C2CD3: variants seen among roughly 807,000 people sequenced by gnomAD.
C2CD3 encodes the protein C2 domain-containing protein 3.
C2CD3 carries 148 observed loss-of-function variants against 234.0 expected under a neutral mutation model. That is an observed-to-expected ratio of 0.63 (90% confidence interval 0.55 to 0.72). The LOEUF (loss-of-function observed/expected upper bound fraction) is 0.72. Ranked by LOEUF, C2CD3 falls within the 30% of genes least tolerant of loss-of-function variation. C2CD3 has a pLI of 0.00. For synonymous variants in C2CD3, 1,000 were observed against 1,035.4 expected (o/e 0.97, Z 0.66); for missense variants, 2,577 against 2,811.5 (o/e 0.92, Z 1.89).
intron 32 of C2CD3, among the ~76,000 whole-genome samples, chr11:74,014,059 A>G (rs1951790711): frequency 6.6e-6 from 1 of 152,096 alleles, no homozygotes; most frequent in East Asian, 1.9e-4. Flanking sequence ...CCAAACTTTG[A>G]TCTCTCTGAC....
intron 14 of C2CD3, among the ~76,000 whole-genome samples, chr11:74,101,290 A>G (rs185326368): frequency 1.4e-4 from 21 of 152,340 alleles, no homozygotes; most frequent in African/African-American, 3.8e-4. Context: ...CACCTTTGTC[A>G]AATTAGTGGT....
chr11:74,045,787 G>A (rs1182627522), intron 28 of C2CD3, among the ~76,000 whole-genome samples: 1 of 151,970 alleles, frequency 6.6e-6, no homozygotes, highest in African/African-American at 2.4e-5. Context: ...TGCCCAGGCT[G>A]GTCTCGAACT....
At chr11:74,150,155 TAAAA>T (rs200395607) in intron 3 of C2CD3, among the ~76,000 whole-genome samples, 1 of 142,544 alleles carries the variant, frequency 7.0e-6, no homozygotes, top group East Asian at 2.0e-4. Context: ...TTTCCTTTTG[TAAAA>T]AAAAAAAAAA....
At chr11:74,111,917 G>GACAC (rs1418790856) in intron 11 of C2CD3, among the ~76,000 whole-genome samples, 1 of 72,980 alleles carries the variant, frequency 1.4e-5, no homozygotes. Context: ...CATATTTGCT[G>GACAC]ATACACACAC....
chr11:74,088,403 G>T (rs141466103), intron 20 of C2CD3, among the ~76,000 whole-genome samples: 64 of 152,330 alleles, frequency 4.2e-4, no homozygotes, highest in African/African-American at 1.2e-3. Flanking sequence ...GAACAGTTCT[G>T]TGTCCATTAT....
intron 31 of C2CD3, among the ~76,000 whole-genome samples, chr11:74,031,210 C>T (rs1211815548): frequency 1.3e-5 from 2 of 152,202 alleles, no homozygotes; most frequent in South Asian, 4.1e-4. Flanking sequence ...TTCACAACAA[C>T]CCAGTAAGTA....
intron 15 of C2CD3, among the ~76,000 whole-genome samples, chr11:74,099,661 C>T (rs1441343956): frequency 1.3e-5 from 2 of 152,126 alleles, no homozygotes; most frequent in African/African-American, 4.8e-5. Context: ...CTTTGGGAGG[C>T]TGAGGCGGGC....
At chr11:74,160,646 G>A (rs952816396) in intron 3 of C2CD3, among the ~76,000 whole-genome samples, 13 of 152,164 alleles carry the variant, frequency 8.5e-5, no homozygotes, top group Admixed American at 3.9e-4. Context: ...GTACCGTTAG[G>A]AGGAATAAAT....
In C2CD3 at chr11:74,042,041, A is replaced by G; in HGVS notation, c.5660+13T>C. The G allele has an allele frequency of 6.2e-7, 1 of 1,613,576 alleles. No individual in the cohort carries two copies. The highest frequency in any genetic ancestry group is 8.5e-7 in the Non-Finnish European group (1 of 1,179,710). On this transcript the variant is annotated intron_variant, in intron 29 of 32. Transcript: ENST00000334126. Reference sequence around the variant, plus strand: ...ACTATGGTTTCCTGTGTCTTTTCTCAGTAGAGCCTCACCTGAGAGAAGTCA... The same window carrying G: ...ACTATGGTTTCCTGTGTCTTTTCTCGGTAGAGCCTCACCTGAGAGAAGTCA...
chr11:74,017,566 G>A (rs570334042), intron 32 of C2CD3, among the ~76,000 whole-genome samples: 1 of 152,318 alleles, frequency 6.6e-6, no homozygotes, highest in South Asian at 2.1e-4. Context: ...TCTTCAAATT[G>A]AGTGGCTAAC....
chr11:74,100,424 G>T, intron 15 of C2CD3, 101 bp downstream of exon 15: 1 of 1,097,712 alleles, frequency 9.1e-7, no homozygotes, highest in Non-Finnish European at 1.3e-6. Context: ...TCCTTCAAGG[G>T]ATTACTGGGC....
Position 74,090,810 on chromosome 11 carries a change from T to TA in C2CD3, c.3641+2dup, listed in dbSNP as rs778046815. On this transcript the variant is annotated splice_region_variant and intron_variant, in intron 20 of 32. Transcript: ENST00000334126. Reference sequence around the variant, plus strand: ...GAGAATTGCTTGTCTCAGGTGGACTTACTTGGCTGCTGCTTGCAGACCACA... The same window carrying TA: ...GAGAATTGCTTGTCTCAGGTGGACTTAACTTGGCTGCTGCTTGCAGACCACA... 1 of 1,614,142 alleles carries TA rather than the reference T, an allele frequency of 6.2e-7. No homozygotes were observed. Among genetic ancestry groups the TA allele is most frequent in the African/African-American group, 1.3e-5 (1 of 75,044 alleles).
At chr11:74,080,182 G>A (rs548608378) in intron 22 of C2CD3, among the ~76,000 whole-genome samples, 3 of 152,240 alleles carry the variant, frequency 2.0e-5, no homozygotes, top group African/African-American at 4.8e-5. Context: ...AATTTTCTGC[G>A]AAATGTTTTA....
chr11:74,161,728 T>C (rs755875359), intron 2 of C2CD3, among the ~76,000 whole-genome samples, 172 bp from the exon 3 acceptor site: 24 of 152,116 alleles, frequency 1.6e-4, no homozygotes, highest in Non-Finnish European at 2.9e-4. Context: ...CTTTAATAAG[T>C]TGCTAATAGG....
intron 28 of C2CD3, among the ~76,000 whole-genome samples, chr11:74,044,585 A>G (rs1953264313): frequency 1.3e-5 from 2 of 152,066 alleles, no homozygotes; most frequent in South Asian, 4.1e-4. Flanking sequence ...TATAATTTCA[A>G]TTTGTATTTT....
At chr11:74,054,441 C>A (rs4575300) in intron 26 of C2CD3, among the ~76,000 whole-genome samples, 166 bp downstream of exon 26, 1 of 139,388 alleles carries the variant, frequency 7.2e-6, no homozygotes, top group Non-Finnish European at 1.5e-5. Context: ...ATGTGGCCTT[C>A]TGGGGGATTA....
At chr11:74,047,685 T>C (rs999340591) in intron 28 of C2CD3, among the ~76,000 whole-genome samples, 2 of 152,180 alleles carry the variant, frequency 1.3e-5, no homozygotes, top group Non-Finnish European at 2.9e-5. Flanking sequence ...TAGGAAAGAC[T>C]CTGGTGTAGG....
intron 3 of C2CD3, among the ~76,000 whole-genome samples, chr11:74,161,002 A>G (rs1427604060): frequency 2.6e-5 from 4 of 152,218 alleles, no homozygotes; most frequent in African/African-American, 7.2e-5. Context: ...AAACAAAGAA[A>G]AGAGAAAACA....
rs570557407 is a variant in C2CD3, at chr11:74,087,913, C to T, written c.3642-2027G>A. Among the ~76,000 whole-genome samples, 16 of 152,238 alleles carry T rather than the reference C, an allele frequency of 1.1e-4. No individual in the cohort carries two copies. The South Asian group carries it at 3.3e-3, about 32-fold the overall frequency. On this transcript the variant is annotated intron_variant, in intron 20 of 32. Transcript: ENST00000334126. ...TAAAGATCAGGTGAGTTAGAAGAAG[C>T]AAGTCAGTAAGAAGTGCCTACTTTA...
Sources: allele counts gnomAD v4.1 joint callset (sites outside exome capture counted in the v4.1 genomes callset), GRCh38; gene constraint gnomAD v4.1.1; transcripts MANE v1.5; gene names NCBI Gene and HGNC (gene_info 2026-07-23, HGNC 2026-07-21).